Variants in ZNF292 observed in about 807,000 individuals in gnomAD.
The protein encoded by ZNF292 is 16 zinc-finger domain protein.
ZNF292 carries 26 observed loss-of-function variants against 217.9 expected under a neutral mutation model. The observed-to-expected ratio is 0.12, with a 90% CI of 0.09 to 0.17. ZNF292 has a LOEUF of 0.17. Ranked by LOEUF, ZNF292 falls within the 10% of genes least tolerant of loss-of-function variation. The pLI, the probability that ZNF292 is intolerant of heterozygous loss-of-function variation, is 1.00. For synonymous variants in ZNF292, 1,257 were observed against 1,124.1 expected (o/e 1.12, Z -2.37); for missense variants, 2,904 against 3,175.2 (o/e 0.91, Z 2.05).
intron 4 of ZNF292, among the ~76,000 whole-genome samples, chr6:87,219,176 C>T (rs1407202902): frequency 1.3e-5 from 2 of 152,046 alleles, no homozygotes; most frequent in African/African-American, 4.8e-5. Flanking sequence ...GTATCCCCTG[C>T]GTTTTTCTTT....
rs749909419 is a variant in ZNF292 at position 87,260,129 on chromosome 6, A to C, written c.6500A>C (p.Gln2167Pro). ...GKESEETETK[Q>P]TLKEFRCQVS... ...GAAAGTGAAGAAACTGAAACTAAACAAACTTTGAAAGAATTTCGATGTCAG... is the reference window on the plus strand; with the variant it reads ...GAAAGTGAAGAAACTGAAACTAAACCAACTTTGAAAGAATTTCGATGTCAG... The change falls in exon 8 of 8, where the codon CAA (glutamine) becomes CCA (proline). Residue 2167 changes from glutamine to proline, a missense_variant. Physicochemically the swap from Gln to Pro is moderately conservative, Grantham distance 76. Around this residue, in one of 15 missense-constraint regions of ZNF292, gnomAD observed 261 missense variants for 272.8 expected, o/e 0.96. Transcript: ENST00000369577. The C allele has an allele frequency of 6.2e-7, 1 of 1,613,362 alleles. No individual in the cohort carries two copies. Among genetic ancestry groups the C allele is most frequent in the African/African-American group, 1.3e-5 (1 of 74,918 alleles).
At chr6:87,243,197 G>C (rs1202812757) in intron 5 of ZNF292, among the ~76,000 whole-genome samples, 1 of 149,704 alleles carries the variant, frequency 6.7e-6, no homozygotes, top group East Asian at 2.0e-4. Flanking sequence ...ATAAATGCTT[G>C]TAAATTCTTA....
Position 87,241,521 on chromosome 6 carries a change from C to T in ZNF292, c.742-1954C>T, listed in dbSNP as rs377274150. ...ACTGCTGCCACCTCCCAGATGTAAGCGGTTTTCCCACCTCAACCTCCCCAG... is the reference window on the plus strand; with the variant it reads ...ACTGCTGCCACCTCCCAGATGTAAGTGGTTTTCCCACCTCAACCTCCCCAG... On this transcript the variant is annotated intron_variant, in intron 5 of 7. Transcript: ENST00000369577. Among the ~76,000 whole-genome samples the T allele has an allele frequency of 1.3e-4, 19 of 149,440 alleles. No homozygotes were observed. In the East Asian group the frequency reaches 2.6e-3, roughly 20 times the overall value.
In ZNF292 at chr6:87,260,533, A is replaced by G. The variant is rs200710565; in HGVS notation, c.6904A>G (p.Met2302Val). 2.7e-4 allele frequency: 432 copies of G among 1,613,280 alleles called. No individual in the cohort carries two copies. Among genetic ancestry groups the G allele is most frequent in the Non-Finnish European group, 1.9e-4 (219 of 1,179,646 alleles). The part of the protein sequence containing the change: ...PRRLTPGQEN[M>V]SSKANQEKSK... ...AAGATTAACACCAGGCCAGGAAAAT[A>G]TGTCAAGCAAGGCAAACCAAGAAAA... is the stretch of plus-strand genomic sequence containing the variant. Residue 2302 changes from methionine to valine, a missense_variant, in exon 8 of 8, where the codon ATG (methionine) becomes GTG (valine). Physicochemically the swap from Met to Val is conservative, Grantham distance 21. Transcript: ENST00000369577.
At chr6:87,180,329 G>T (rs557858815) in intron 1 of ZNF292, among the ~76,000 whole-genome samples, 57 of 152,378 alleles carry the variant, frequency 3.7e-4, no homozygotes, top group Admixed American at 3.7e-3. Flanking sequence ...CAGTGCACAA[G>T]GGCGGGCTTA....
intron 1 of ZNF292, among the ~76,000 whole-genome samples, chr6:87,185,088 C>G (rs928464840): frequency 2.0e-5 from 3 of 152,200 alleles, no homozygotes; most frequent in Non-Finnish European, 4.4e-5. Flanking sequence ...TTAATCCAGT[C>G]AAGTTGACAC....
At chr6:87,212,959 A>G (rs2127799407) in intron 1 of ZNF292, among the ~76,000 whole-genome samples, 1 of 152,332 alleles carries the variant, frequency 6.6e-6, no homozygotes, top group South Asian at 2.1e-4. Flanking sequence ...GTAGGGGTCA[A>G]AAGAAAACTT....
chr6:87,205,082 A>C (rs994473619), intron 1 of ZNF292, among the ~76,000 whole-genome samples: 6 of 151,828 alleles, frequency 4.0e-5, no homozygotes, highest in Non-Finnish European at 5.9e-5. Flanking sequence ...CCCGCTCTCC[A>C]CTGGCCCCAG....
chr6:87,194,532 G>C (rs532424029), intron 1 of ZNF292, among the ~76,000 whole-genome samples: 7 of 152,224 alleles, frequency 4.6e-5, no homozygotes, highest in East Asian at 1.9e-4. Context: ...ATGGATCTAG[G>C]GGGGAGGAAC....
chr6:87,262,589 T>C lies in ZNF292; in HGVS notation c.*788T>C, dbSNP rs1775661657. The C allele has an allele frequency of 6.6e-6, 1 of 151,928 alleles. No individual in the cohort carries two copies. The highest frequency in any genetic ancestry group is 2.4e-5 in the African/African-American group (1 of 41,420). The allele number at this position is 151,928 out of a possible 1,614,324, so 9.4% of individuals were successfully genotyped here. A position where few individuals can be genotyped will look rare whatever the true frequency, so the allele number is the denominator to read the frequency against. On this transcript the variant is annotated 3_prime_UTR_variant, in exon 8 of 8. Coordinates refer to ENST00000369577, the MANE Select transcript of ZNF292 (RefSeq NM_015021.3). ...ACAATGGAAATGTGAATAAAGAATT[T>C]ACTACATTGAAGATTTTAAACATTT...
chr6:87,178,865 T>C (rs1414993200), intron 1 of ZNF292, among the ~76,000 whole-genome samples: 6 of 152,228 alleles, frequency 3.9e-5, no homozygotes, highest in Non-Finnish European at 8.8e-5. Flanking sequence ...TTGAATCTTT[T>C]GAAACTAAGT....
intron 5 of ZNF292, among the ~76,000 whole-genome samples, chr6:87,236,288 C>T (rs567555262): frequency 6.2e-4 from 94 of 152,166 alleles, no homozygotes; most frequent in African/African-American, 2.2e-3. Flanking sequence ...TGGTGGTGAT[C>T]TTTCTGAGGA....
At chr6:87,219,864 G>A (rs999250357) in intron 4 of ZNF292, among the ~76,000 whole-genome samples, 1 of 152,196 alleles carries the variant, frequency 6.6e-6, no homozygotes, top group African/African-American at 2.4e-5. Context: ...GTCTTGCCCT[G>A]TGGCCCAGGC....
At chr6:87,245,968 C>T (rs1322394019) in intron 7 of ZNF292, among the ~76,000 whole-genome samples, 1 of 152,320 alleles carries the variant, frequency 6.6e-6, no homozygotes, top group Admixed American at 6.5e-5. Flanking sequence ...CGTGGTGGCT[C>T]ATGCCTGTAA....
chr6:87,257,258 T>C lies in ZNF292; in HGVS notation c.3629T>C (p.Val1210Ala), dbSNP rs766998390. ...CCATTGTTGTCCTCAATGGAAAGTG[T>C]CATAAATCCAAATATAACTTCTCAG... The part of the protein sequence containing the change: ...STPLLSSMES[V>A]INPNITSQDK... The change falls in exon 8 of 8, where the codon GTC becomes GCC. Residue 1210 changes from valine (V) to alanine (A), a missense_variant. Transcript: ENST00000369577. The C allele has an allele frequency of 4.8e-5, 78 of 1,613,636 alleles. No homozygotes were observed. The highest frequency in any genetic ancestry group is 5.9e-5 in the Non-Finnish European group (70 of 1,179,818).
chr6:87,235,940 T>A (rs982204809), intron 5 of ZNF292, among the ~76,000 whole-genome samples: 6 of 152,228 alleles, frequency 3.9e-5, no homozygotes, highest in African/African-American at 1.4e-4. Flanking sequence ...TTGTTAAAAG[T>A]CCCTTGTTAC....
chr6:87,215,812 T>G, intron 1 of ZNF292, 91 bp from the exon 2 acceptor site: 1 of 987,476 alleles, frequency 1.0e-6, no homozygotes, highest in Non-Finnish European at 1.4e-6. Flanking sequence ...AAATCTGTAT[T>G]TTTCAAAATT....
In ZNF292 at chr6:87,254,357, A is replaced by C. The variant is rs984127485; in HGVS notation, c.1021-293A>C. ...GTGCTGTTTTGACCTCTGTTTTATA[A>C]GTGGGATGGGAAAGGTCAGAAAAGT... On this transcript the variant is annotated intron_variant, in intron 7 of 7. Transcript: ENST00000369577. Among the ~76,000 whole-genome samples the C allele has an allele frequency of 2.0e-5, 3 of 152,330 alleles. No individual in the cohort carries two copies. The South Asian group carries it at 6.2e-4, about 32-fold the overall frequency.
intron 4 of ZNF292, among the ~76,000 whole-genome samples, chr6:87,229,767 T>A (rs187074481): frequency 6.6e-6 from 1 of 152,346 alleles, no homozygotes; most frequent in East Asian, 1.9e-4. Context: ...AAATTAAGTA[T>A]TTTTAAAAAG....
Sources: allele counts gnomAD v4.1 joint callset (sites outside exome capture counted in the v4.1 genomes callset), GRCh38; gene constraint gnomAD v4.1.1; regional missense constraint gnomAD v4.1.1; transcripts MANE v1.5; gene names NCBI Gene and HGNC (gene_info 2026-07-23, HGNC 2026-07-21).